The following STK32A variants were observed in gnomAD, a reference collection of about 807,000 sequenced individuals.
The protein encoded by STK32A is serine/threonine-protein kinase 32A.
A neutral mutation model predicts 53.2 loss-of-function variants in STK32A; 41 were observed. The ratio of observed to expected loss-of-function variants is 0.77; its 90% confidence interval spans 0.60 to 1.00. The LOEUF is 1.00. Ranked by LOEUF, STK32A falls within the 50% of genes least tolerant of loss-of-function variation. The probability of loss-of-function intolerance (pLI) is 0.00; values close to 1 mark genes in which losing one functional copy is unlikely to be tolerated. For synonymous variants in STK32A, 166 were observed against 162.8 expected, an observed-to-expected ratio of 1.02 and a Z score of -0.15; for missense variants, 458 against 485.8, an observed-to-expected ratio of 0.94 and a Z score of 0.54.
intron 4 of STK32A, among the ~76,000 whole-genome samples, chr5:147,323,486 T>A (rs1269802507): frequency 1.3e-5 from 2 of 152,186 alleles, no homozygotes; most frequent in Non-Finnish European, 2.9e-5. Flanking sequence ...AAAATGGGCA[T>A]GAGGATAGTT....
intron 6 of STK32A, among the ~76,000 whole-genome samples, chr5:147,344,112 G>A (rs1182734440): frequency 6.6e-6 from 1 of 152,114 alleles, no homozygotes; most frequent in Non-Finnish European, 1.5e-5. Flanking sequence ...GTCTTTAGAA[G>A]GCTGCTAGAT....
chr5:147,397,595 A>C, the STK32A span: 1 of 1,508,442 alleles, frequency 6.6e-7, no homozygotes, highest in Non-Finnish European at 9.0e-7. Context: ...CCCTGTGTTC[A>C]TGGTTACTAT....
chr5:147,361,488 A>G, intron 7 of STK32A, 29 bp from the exon 8 acceptor site: 1 of 1,493,636 alleles, frequency 6.7e-7, no homozygotes, highest in Non-Finnish European at 9.3e-7. Flanking sequence ...TCAGGGAATC[A>G]AACTGGTTTA....
intron 4 of STK32A, among the ~76,000 whole-genome samples, chr5:147,305,337 C>T (rs976846823): frequency 7.2e-5 from 11 of 152,164 alleles, no homozygotes; most frequent in African/African-American, 2.7e-4. Flanking sequence ...GGCCAGGCTC[C>T]TCCCCCTGCA....
Position 147,274,642 on chromosome 5 carries a change from G to A in STK32A, c.53-3482G>A, listed in dbSNP as rs982647057. Among the ~76,000 whole-genome samples, 3 of 152,158 alleles carry A rather than the reference G, an allele frequency of 2.0e-5. No individual in the cohort carries two copies. In the East Asian group the frequency reaches 5.8e-4, roughly 29 times the overall value. ...CAGCTTAAGGTGGTATTTGCTGGGAGCTATGATACTCTTTAAGAAGTAATA... is the reference window on the plus strand; with the variant it reads ...CAGCTTAAGGTGGTATTTGCTGGGAACTATGATACTCTTTAAGAAGTAATA... On this transcript the variant is annotated intron_variant, in intron 2 of 12. Coordinates refer to ENST00000397936, the MANE Select transcript of STK32A (RefSeq NM_001112724.2).
chr5:147,305,867 A>ATGTG (rs1753381018), intron 4 of STK32A, among the ~76,000 whole-genome samples: 1 of 151,828 alleles, frequency 6.6e-6, no homozygotes, highest in Non-Finnish European at 1.5e-5. Flanking sequence ...ACTCCAAAAT[A>ATGTG]TGTGTACTTT....
At chr5:147,249,908 CAAA>C (rs35848112) in intron 2 of STK32A, among the ~76,000 whole-genome samples, 1 of 58,580 alleles carries the variant, frequency 1.7e-5, no homozygotes, top group African/African-American at 6.7e-5. Flanking sequence ...GCCTCTGTCT[CAAA>C]AAAAAAAAAA....
chr5:147,380,979 G>C (rs1158445), intron 11 of STK32A, among the ~76,000 whole-genome samples: 1 of 151,866 alleles, frequency 6.6e-6, no homozygotes, highest in Admixed American at 6.6e-5. Flanking sequence ...GTGATTGTCC[G>C]ATGTATTTAC....
In STK32A at chr5:147,361,518, A is replaced by T. The variant is rs1285182759; in HGVS notation, c.564A>T (p.Ala188=). The change falls in exon 8 of 13, where the codon GCA becomes GCT. Residue 188 remains alanine, a splice_region_variant and synonymous_variant. Transcript: ENST00000397936. ...GGTTTAATTTTTCGTGTTTTTCAGCACCTGAGATGTTCAGCTCCAGAAAAG... is the reference window on the plus strand; with the variant it reads ...GGTTTAATTTTTCGTGTTTTTCAGCTCCTGAGATGTTCAGCTCCAGAAAAG... The part of the protein sequence containing the change: ...TTMAGTKPYM[A]PEMFSSRKGA... 6.2e-7 allele frequency: 1 copy of T among 1,610,790 alleles called. No homozygotes were observed. Among genetic ancestry groups the T allele is most frequent in the Non-Finnish European group, 8.5e-7 (1 of 1,178,292 alleles).
chr5:147,380,499 AT>A (rs967303998), intron 11 of STK32A, among the ~76,000 whole-genome samples: 11 of 150,984 alleles, frequency 7.3e-5, no homozygotes, highest in African/African-American at 2.0e-4. Context: ...TGACTGAATG[AT>A]TTTTTTTAAA....
chr5:147,308,950 ATTAT>A (rs1156813131), intron 4 of STK32A, among the ~76,000 whole-genome samples: 1 of 150,066 alleles, frequency 6.7e-6, no homozygotes, highest in Non-Finnish European at 1.5e-5. Flanking sequence ...TTATTCATAC[ATTAT>A]TTATGTATGT....
rs984298293 is a variant in STK32A, at chr5:147,355,792, G to GTGTGTATATA, written c.562+4639_562+4640insGTGTATATAT. 5.9e-3 allele frequency among the ~76,000 whole-genome samples: 877 copies of GTGTGTATATA among 147,830 alleles called. 58 individuals are homozygous for GTGTGTATATA. In the East Asian group the frequency reaches 0.15, roughly 25 times the overall value. ...TATGTATGTGTGTGAGTGTGTGTGT[G>GTGTGTATATA]TATATATATATATATATATAAATAA... On this transcript the variant is annotated intron_variant, in intron 7 of 12. Transcript: ENST00000397936.
chr5:147,313,251 TAAC>T (rs916903427), intron 4 of STK32A, among the ~76,000 whole-genome samples: 17 of 151,590 alleles, frequency 1.1e-4, no homozygotes, highest in African/African-American at 2.9e-4. Flanking sequence ...CAAAACAAAA[TAAC>T]AACAACAACA....
intron 1 of STK32A, among the ~76,000 whole-genome samples, chr5:147,236,074 G>A (rs1290744304): frequency 6.6e-6 from 1 of 152,130 alleles, no homozygotes; most frequent in Admixed American, 6.5e-5. Flanking sequence ...TTAATCAAAA[G>A]TTGCAACTTT....
At position 147,384,605 on chromosome 5, in the gene STK32A, CA is replaced by C; in HGVS notation, c.*623del. ...GCTGGCAGGAGCCTGCTGTGCACAC[CA>C]CTTCCCAGCTCCCTCTTCAACAATG... On this transcript the variant is annotated 3_prime_UTR_variant, in exon 13 of 13. Transcript: ENST00000397936. 1 of 502,604 alleles carries C rather than the reference CA, an allele frequency of 2.0e-6. No homozygotes were observed. Among genetic ancestry groups the C allele is most frequent in the Non-Finnish European group, 3.5e-6 (1 of 288,170 alleles). The allele number at this position is 502,604 out of a possible 1,614,324, so 31.1% of individuals were successfully genotyped here.
the STK32A span, chr5:147,401,800 G>A: frequency 1.4e-6 from 2 of 1,387,210 alleles, no homozygotes. Flanking sequence ...CTGTGTCTCA[G>A]AGTCAGACTG....
chr5:147,397,882 G>T, the STK32A span: 13 of 1,525,610 alleles, frequency 8.5e-6, no homozygotes, highest in Admixed American at 2.5e-4. Flanking sequence ...CACAGTAAGG[G>T]TAGAGAAAGA....
At chr5:147,310,488 C>T (rs528190612) in intron 4 of STK32A, among the ~76,000 whole-genome samples, 2 of 152,250 alleles carry the variant, frequency 1.3e-5, no homozygotes, top group African/African-American at 2.4e-5. Flanking sequence ...GAGCCAGTCA[C>T]AATGTATGAC....
intron 11 of STK32A, among the ~76,000 whole-genome samples, chr5:147,380,780 A>C (rs1757421364): frequency 6.6e-6 from 1 of 152,236 alleles, no homozygotes; most frequent in African/African-American, 2.4e-5. Context: ...ACCATTGTTG[A>C]GGGGAACATT....
Sources: allele counts gnomAD v4.1 joint callset (sites outside exome capture counted in the v4.1 genomes callset), GRCh38; gene constraint gnomAD v4.1.1; transcripts MANE v1.5; gene names NCBI Gene and HGNC (gene_info 2026-07-23, HGNC 2026-07-21).